Variants in ENPP1 observed in about 807,000 individuals in gnomAD.
The protein encoded by ENPP1 is ectonucleotide pyrophosphatase/phosphodiesterase 1, also known as ectonucleotide pyrophosphatase/phosphodiesterase family member 1.
A neutral mutation model predicts 122.8 loss-of-function variants in ENPP1; 73 were observed. The ratio of observed to expected loss-of-function variants is 0.59; its 90% CI spans 0.49 to 0.72. ENPP1 has a LOEUF of 0.72. Among genes scored for constraint, ENPP1 ranks in the 30% least tolerant of loss-of-function variants. The probability of loss-of-function intolerance (pLI) is 0.00; values close to 1 mark genes in which losing one functional copy is unlikely to be tolerated. For synonymous variants in ENPP1, 367 were observed against 391.6 expected (o/e 0.94, Z 0.74); for missense variants, 978 against 1,128.1 (o/e 0.87, Z 1.91).
Position 131,852,226 on chromosome 6 carries a change from G to A in ENPP1, c.608G>A (p.Cys203Tyr). The change falls in exon 5 of 25, where the codon TGC becomes TAC. Residue 203 changes from cysteine to tyrosine, a missense_variant. Cys to Tyr is a radical substitution (Grantham distance 194). Coordinates refer to ENST00000647893, the MANE Select transcript of ENPP1 (RefSeq NM_006208.3). ...EPCESINEPQ[C>Y]PAGFETPPTL... is the part of the protein sequence containing the mutation. ...TGTGAGAGCATTAATGAGCCACAGTGCCCAGCAGGGTAAGATTATATTCTG... is the reference window on the plus strand; with the variant it reads ...TGTGAGAGCATTAATGAGCCACAGTACCCAGCAGGGTAAGATTATATTCTG... 1 of 1,600,862 alleles carries A rather than the reference G, an allele frequency of 6.2e-7. No homozygotes were observed.
intron 1 of ENPP1, among the ~76,000 whole-genome samples, chr6:131,825,617 C>T (rs1319604224): frequency 1.3e-5 from 2 of 152,022 alleles, no homozygotes; most frequent in Non-Finnish European, 2.9e-5. Context: ...TAAAAAATAC[C>T]TTGATAGTTC....
rs1562505039 is a variant in ENPP1 at position 131,808,220 on chromosome 6, AGGC to A, written c.190_192del (p.Ala64del). ...GACGTGGGGGAGGAGCCGCTGGAGA[AGGC>A]GGCGCGCGCCCGCACTGCCAAGGAC... On this transcript the variant is annotated inframe_deletion, in exon 1 of 25. Coordinates refer to ENST00000647893, the MANE Select transcript of ENPP1 (RefSeq NM_006208.3). 2 of 1,514,406 alleles carry A rather than the reference AGGC, an allele frequency of 1.3e-6. No homozygotes were observed. The highest frequency in any genetic ancestry group is 1.8e-6 in the Non-Finnish European group (2 of 1,131,388). The allele number at this position is 1,514,406 out of a possible 1,614,324, so 93.8% of individuals were successfully genotyped here.
intron 1 of ENPP1, among the ~76,000 whole-genome samples, chr6:131,815,305 T>C (rs1781400534): frequency 6.6e-6 from 1 of 152,150 alleles, no homozygotes; most frequent in Non-Finnish European, 1.5e-5. Context: ...CACCAAGGCC[T>C]CTTTGGTTTT....
intron 1 of ENPP1, chr6:131,820,068 T>C: frequency 2.0e-6 from 1 of 501,766 alleles, no homozygotes; most frequent in Non-Finnish European, 3.8e-6. Flanking sequence ...TGTCCAGCAC[T>C]TGTCCATTTG....
At chr6:131,867,936 T>C in intron 11 of ENPP1, 82 bp from the exon 12 acceptor site, 1 of 915,782 alleles carries the variant, frequency 1.1e-6, no homozygotes, top group Non-Finnish European at 1.7e-6. Flanking sequence ...TCTTTTTTTT[T>C]TTTTTTAACA....
At chr6:131,808,357 A>G in intron 1 of ENPP1, 82 bp downstream of exon 1, 1 of 1,384,246 alleles carries the variant, frequency 7.2e-7, no homozygotes, top group East Asian at 3.1e-5. Flanking sequence ...CTCTCAGCGC[A>G]GTCAGCACCG....
chr6:131,864,708 A>G, intron 10 of ENPP1, 137 bp downstream of exon 10: 1 of 812,194 alleles, frequency 1.2e-6, no homozygotes, highest in Non-Finnish European at 2.1e-6. Context: ...AAATGATCAT[A>G]CCACATTTTG....
rs954348097 is a variant in ENPP1 at position 131,852,165 on chromosome 6, A to G, written c.557-10A>G. 10 of 1,572,554 alleles carry G rather than the reference A, an allele frequency of 6.4e-6. No individual in the cohort carries two copies. The highest frequency in any genetic ancestry group is 8.7e-6 in the Non-Finnish European group (10 of 1,144,506). On this transcript the variant is annotated splice_polypyrimidine_tract_variant and intron_variant, in intron 4 of 24. Coordinates refer to ENST00000647893, the MANE Select transcript of ENPP1 (RefSeq NM_006208.3). ...AGTGTGTTCATTTTATTTTCTTGAA[A>G]ATATTTTAGGTGAGAAAAGTTGGGT...
chr6:131,820,871 G>C (rs1051215123), intron 1 of ENPP1, among the ~76,000 whole-genome samples: 4 of 152,156 alleles, frequency 2.6e-5, no homozygotes, highest in Non-Finnish European at 4.4e-5. Flanking sequence ...TTTGAATACA[G>C]ACAAAAAAGT....
chr6:131,865,414 C>T (rs879313698), intron 11 of ENPP1, among the ~76,000 whole-genome samples: 8 of 152,106 alleles, frequency 5.3e-5, no homozygotes, highest in Admixed American at 2.0e-4. Flanking sequence ...AAAAGTGTAG[C>T]GATATTTGAA....
intron 13 of ENPP1, 93 bp downstream of exon 13, chr6:131,869,582 A>T (rs1309057766): frequency 1.9e-5 from 26 of 1,383,352 alleles, no homozygotes; most frequent in Non-Finnish European, 2.6e-5. Context: ...TAATCGCAGC[A>T]CTTTGGGAGG....
intron 1 of ENPP1, among the ~76,000 whole-genome samples, chr6:131,818,699 G>A (rs889465627): frequency 1.3e-5 from 2 of 151,920 alleles, no homozygotes; most frequent in African/African-American, 4.8e-5. Context: ...CTGAAACCTA[G>A]ATTACCTGTC....
In ENPP1 at chr6:131,854,270, A is replaced by G. The variant is rs1237956021; in HGVS notation, c.618-656A>G. Among the ~76,000 whole-genome samples the G allele has an allele frequency of 2.6e-5, 4 of 152,100 alleles. No individual in the cohort carries two copies. In the East Asian group the frequency reaches 7.7e-4, roughly 29 times the overall value. ...AAATAAATAAATAAATAAATTAGCC[A>G]GGCATGGTGGTGCGTGTTTGTAGTC... On this transcript the variant is annotated intron_variant, in intron 5 of 24. Coordinates refer to ENST00000647893, the MANE Select transcript of ENPP1 (RefSeq NM_006208.3).
intron 9 of ENPP1, among the ~76,000 whole-genome samples, chr6:131,862,389 C>T (rs913484347): frequency 6.6e-6 from 1 of 152,114 alleles, no homozygotes; most frequent in Non-Finnish European, 1.5e-5. Context: ...TCATCTTGCA[C>T]ACTTCCTAGA....
intron 2 of ENPP1, among the ~76,000 whole-genome samples, chr6:131,849,561 T>G (rs193144945): frequency 5.9e-5 from 9 of 152,332 alleles, no homozygotes; most frequent in African/African-American, 1.9e-4. Flanking sequence ...TAAAATATTC[T>G]TAACCACTTC....
intron 5 of ENPP1, 126 bp downstream of exon 5, chr6:131,852,361 C>A: frequency 3.0e-6 from 2 of 672,542 alleles, no homozygotes; most frequent in South Asian, 1.7e-5. Context: ...GGTTGAGTAT[C>A]CTTTATCCAA....
chr6:131,843,060 T>C (rs902068981), intron 1 of ENPP1, among the ~76,000 whole-genome samples: 1 of 152,190 alleles, frequency 6.6e-6, no homozygotes, highest in African/African-American at 2.4e-5. Flanking sequence ...TTAGAAAATA[T>C]TAAAATTTGA....
At chr6:131,813,289 G>T (rs1380218203) in intron 1 of ENPP1, among the ~76,000 whole-genome samples, 1 of 151,868 alleles carries the variant, frequency 6.6e-6, no homozygotes, top group Non-Finnish European at 1.5e-5. Context: ...GGGATCATTT[G>T]AGGTCAGGAG....
chr6:131,861,905 C>T (rs944255728), intron 9 of ENPP1, among the ~76,000 whole-genome samples: 9 of 152,058 alleles, frequency 5.9e-5, no homozygotes, highest in Non-Finnish European at 1.2e-4. Context: ...TGTGGTGGCT[C>T]ACTCCTGTAA....
Sources: gnomAD v4.1 joint callset for allele counts (sites outside exome capture counted in the v4.1 genomes callset) on GRCh38, gnomAD v4.1.1 for gene constraint, MANE v1.5 for transcripts, NCBI Gene and HGNC (gene_info 2026-07-23, HGNC 2026-07-21) for gene names.